Variants in FBXO15 observed in about 807,000 individuals in gnomAD.
The protein encoded by FBXO15 is F-box protein 15.
In FBXO15, 30 loss-of-function variants were observed where a neutral mutation model predicts 49.5. The observed-to-expected ratio is 0.61, with a 90% CI of 0.45 to 0.82. The LOEUF (loss-of-function observed/expected upper bound fraction) is 0.82. Ranked by LOEUF, FBXO15 falls within the 40% of genes least tolerant of loss-of-function variation. The probability of loss-of-function intolerance (pLI) is 0.00; values close to 1 mark genes in which losing one functional copy is unlikely to be tolerated. For synonymous variants in FBXO15, 250 were observed against 232.7 expected (o/e 1.07, Z -0.68); for missense variants, 591 against 631.5 (o/e 0.94, Z 0.69).
intron 9 of FBXO15, among the ~76,000 whole-genome samples, chr18:74,077,823 G>A (rs1202117780): frequency 6.6e-6 from 1 of 152,174 alleles, no homozygotes; most frequent in East Asian, 1.9e-4. Context: ...GCACCTCTGA[G>A]ATAACACAGC....
chr18:74,077,186 A>G (rs899361031), intron 9 of FBXO15, among the ~76,000 whole-genome samples: 1 of 152,314 alleles, frequency 6.6e-6, no homozygotes, highest in Middle Eastern at 3.4e-3. Context: ...ATATGCACAC[A>G]GTCACTGAAG....
At chr18:74,131,321 C>T (rs1316125730) in intron 3 of FBXO15, among the ~76,000 whole-genome samples, 6 of 152,200 alleles carry the variant, frequency 3.9e-5, no homozygotes, top group Admixed American at 2.6e-4. Context: ...CCTGTCCCCA[C>T]TGCATAGATG....
rs767822781 is a variant in FBXO15, at chr18:74,081,966, G to A, written c.1224C>T (p.Gly408=). The A allele has an allele frequency of 5.6e-6, 9 of 1,612,742 alleles. No homozygotes were observed. The South Asian group carries it at 8.8e-5, about 16-fold the overall frequency. Residue 408 remains glycine, a synonymous_variant, in exon 9 of 10, where the codon GGC becomes GGT. Coordinates refer to ENST00000419743, the MANE Select transcript of FBXO15 (RefSeq NM_001142958.2). The part of the protein sequence containing the change: ...REHLPLIGKV[G]LSWKTDIFDG... ...CAAAAATATCAGTTTTCCACGAGAGGCCAACTTTTCCAATAAGAGGTAGGT... is the reference window on the plus strand; with the variant it reads ...CAAAAATATCAGTTTTCCACGAGAGACCAACTTTTCCAATAAGAGGTAGGT...
intron 8 of FBXO15, among the ~76,000 whole-genome samples, chr18:74,094,223 T>A (rs1337553499): frequency 6.6e-6 from 1 of 152,228 alleles, no homozygotes; most frequent in Non-Finnish European, 1.5e-5. Flanking sequence ...TAGGGCCTGG[T>A]GGGAGCTGAC....
At chr18:74,125,128 C>A (rs1198846134) in intron 6 of FBXO15, among the ~76,000 whole-genome samples, 1 of 152,176 alleles carries the variant, frequency 6.6e-6, no homozygotes, top group African/African-American at 2.4e-5. Context: ...ATAGGTGACC[C>A]CCAAATGGTA....
At chr18:74,106,151 C>CTCTGTG in intron 8 of FBXO15, among the ~76,000 whole-genome samples, 1 of 147,440 alleles carries the variant, frequency 6.8e-6, no homozygotes, top group African/African-American at 2.5e-5. Context: ...AATCTGTAGG[C>CTCTGTG]TATGTGTAAT....
intron 8 of FBXO15, among the ~76,000 whole-genome samples, chr18:74,119,802 G>T (rs775044349): frequency 1.3e-5 from 2 of 152,172 alleles, no homozygotes; most frequent in African/African-American, 4.8e-5. Flanking sequence ...GGGCTGAGGT[G>T]GGGGAGGCAG....
intron 8 of FBXO15, among the ~76,000 whole-genome samples, chr18:74,105,130 G>A (rs112983375): frequency 0.019 from 2,861 of 152,246 alleles, 102 homozygotes; most frequent in African/African-American, 0.062. Context: ...CATGAAGACA[G>A]AGAGTAGACT....
intron 2 of FBXO15, among the ~76,000 whole-genome samples, chr18:74,137,280 C>A (rs1978780381): frequency 6.6e-6 from 1 of 152,152 alleles, no homozygotes; most frequent in African/African-American, 2.4e-5. Flanking sequence ...AGCAAAGTTG[C>A]AAGAAAACAT....
At chr18:74,124,659 C>G (rs1914626083) in intron 6 of FBXO15, 88 bp from the exon 7 acceptor site, 16 of 1,163,702 alleles carry the variant, frequency 1.4e-5, no homozygotes, top group South Asian at 1.4e-4. Context: ...GCACATTCAT[C>G]TTGCAGATAG....
At chr18:74,090,328 T>C (rs1468439094) in intron 8 of FBXO15, among the ~76,000 whole-genome samples, 1 of 151,902 alleles carries the variant, frequency 6.6e-6, no homozygotes, top group East Asian at 1.9e-4. Context: ...TAGCTAGCAG[T>C]CTGTCTTAAT....
At position 74,080,980 on chromosome 18, in the gene FBXO15, A is replaced by T. The variant is rs368285025; in HGVS notation, c.1263+947T>A. 2.6e-5 allele frequency among the ~76,000 whole-genome samples: 4 copies of T among 152,312 alleles called. No homozygotes were observed. In the South Asian group the frequency reaches 6.2e-4, roughly 24 times the overall value. On this transcript the variant is annotated intron_variant, in intron 9 of 9. Transcript: ENST00000419743. ...AGTACCTACTTTTATTATAGGCTTTATTGAAATCTGAAGAAAAAGAAAGAA... is the reference window on the plus strand; with the variant it reads ...AGTACCTACTTTTATTATAGGCTTTTTTGAAATCTGAAGAAAAAGAAAGAA...
In FBXO15 at chr18:74,143,999, C is replaced by T. The variant is rs114998274; in HGVS notation, c.116+3671G>A. Among the ~76,000 whole-genome samples the T allele has an allele frequency of 3.8e-3, 583 of 152,326 alleles. 3 individuals carry two copies. Among genetic ancestry groups the T allele is most frequent in the African/African-American group, 0.013 (557 of 41,578 alleles). ...CTGCATGGGTTTGTTCACTGCTGAT[C>T]GTTCAGCACCCACAATATGCCTGGC... On this transcript the variant is annotated intron_variant, in intron 1 of 9. Transcript: ENST00000419743.
At chr18:74,077,666 A>G (rs1446554115) in intron 9 of FBXO15, among the ~76,000 whole-genome samples, 3 of 152,064 alleles carry the variant, frequency 2.0e-5, no homozygotes, top group Non-Finnish European at 2.9e-5. Flanking sequence ...AACACCCTAC[A>G]CTGCAGCCTC....
intron 2 of FBXO15, among the ~76,000 whole-genome samples, chr18:74,139,222 A>G (rs1219478569): frequency 6.6e-6 from 1 of 152,172 alleles, no homozygotes; most frequent in Non-Finnish European, 1.5e-5. Context: ...CAGGTATCCC[A>G]GCTTACTGTA....
At chr18:74,077,565 C>T (rs9963396) in intron 9 of FBXO15, among the ~76,000 whole-genome samples, 7,347 of 152,228 alleles carry the variant, frequency 0.048, 614 homozygotes, top group African/African-American at 0.16. Context: ...TCCACAGCAC[C>T]CACTGCTTCC....
At chr18:74,131,957 G>A (rs936892877) in intron 3 of FBXO15, among the ~76,000 whole-genome samples, 1 of 152,106 alleles carries the variant, frequency 6.6e-6, no homozygotes, top group Non-Finnish European at 1.5e-5. Flanking sequence ...CGTGACTTTG[G>A]AACACCACCT....
intron 8 of FBXO15, among the ~76,000 whole-genome samples, chr18:74,111,677 T>C (rs1914037416): frequency 6.6e-6 from 1 of 151,556 alleles, no homozygotes; most frequent in South Asian, 2.1e-4. Context: ...AAAAAAGAAA[T>C]AATAAAAATT....
At chr18:74,116,337 A>C (rs1224985232) in intron 8 of FBXO15, among the ~76,000 whole-genome samples, 2 of 152,236 alleles carry the variant, frequency 1.3e-5, no homozygotes, top group Admixed American at 1.3e-4. Context: ...CAGCCATTTC[A>C]TATGCATATG....
Sources: allele counts gnomAD v4.1 joint callset (sites outside exome capture counted in the v4.1 genomes callset), GRCh38; gene constraint gnomAD v4.1.1; transcripts MANE v1.5; gene names NCBI Gene and HGNC (gene_info 2026-07-23, HGNC 2026-07-21).